Variants in CUX2 observed in about 807,000 individuals in gnomAD.
The protein encoded by CUX2 is cut like homeobox 2.
In CUX2, 40 loss-of-function variants were observed where a neutral mutation model predicts 144.8. The observed-to-expected ratio is 0.28, with a 90% confidence interval of 0.21 to 0.36. The LOEUF is 0.36. CUX2 is among the 10% of genes least tolerant of loss of function. CUX2 has a pLI of 1.00. For missense variants in CUX2, 1,615 were observed against 1,994.0 expected, an observed-to-expected ratio of 0.81 and a Z score of 3.62; for synonymous variants, 827 against 875.6, an observed-to-expected ratio of 0.94 and a Z score of 0.98.
intron 1 of CUX2, among the ~76,000 whole-genome samples, chr12:111,165,062 C>T (rs928237606): frequency 6.6e-6 from 1 of 152,204 alleles, no homozygotes; most frequent in African/African-American, 2.4e-5. Flanking sequence ...GAAGCCACCA[C>T]TCCACTGTTC....
chr12:111,321,989 A>G (rs896351744), intron 17 of CUX2, among the ~76,000 whole-genome samples: 3 of 151,900 alleles, frequency 2.0e-5, no homozygotes, highest in Admixed American at 1.3e-4. Flanking sequence ...ATGAGGAACA[A>G]ATGAAGGCCG....
intron 1 of CUX2, among the ~76,000 whole-genome samples, chr12:111,162,219 C>T (rs1877819119): frequency 6.6e-6 from 1 of 152,212 alleles, no homozygotes; most frequent in African/African-American, 2.4e-5. Flanking sequence ...TGCCCCTGGC[C>T]ACCAGCCCCT....
chr12:111,191,313 ATTTATT>A (rs1237332334), intron 1 of CUX2, among the ~76,000 whole-genome samples: 1 of 95,218 alleles, frequency 1.1e-5, no homozygotes, highest in African/African-American at 4.7e-5. Context: ...TTTATTATTT[ATTTATT>A]TATTTATTTA....
At chr12:111,094,104 A>G (rs894508785) in intron 1 of CUX2, among the ~76,000 whole-genome samples, 4 of 152,366 alleles carry the variant, frequency 2.6e-5, no homozygotes, top group African/African-American at 7.2e-5. Flanking sequence ...ACAGTGTATT[A>G]TTAACCATAA....
intron 15 of CUX2, among the ~76,000 whole-genome samples, chr12:111,311,028 C>T (rs1886872070): frequency 6.6e-6 from 1 of 152,200 alleles, no homozygotes. Flanking sequence ...CCAACCTTAC[C>T]AGACTTGATT....
chr12:111,266,711 T>C (rs922678591), intron 4 of CUX2, among the ~76,000 whole-genome samples: 1 of 152,146 alleles, frequency 6.6e-6, no homozygotes, highest in African/African-American at 2.4e-5. Context: ...ACAATAAGTG[T>C]CTGTTGTTTT....
chr12:111,040,379 T>C (rs1356970778), intron 1 of CUX2, among the ~76,000 whole-genome samples: 3 of 151,832 alleles, frequency 2.0e-5, no homozygotes, highest in Non-Finnish European at 4.4e-5. Flanking sequence ...TCTGCCCCAT[T>C]CTCTCAATCT....
At chr12:111,142,607 T>C (rs186061071) in intron 1 of CUX2, among the ~76,000 whole-genome samples, 3 of 152,232 alleles carry the variant, frequency 2.0e-5, no homozygotes, top group Non-Finnish European at 4.4e-5. Context: ...CCTTTGATTT[T>C]ATTCTTGTTT....
chr12:111,337,477 G>A (rs561007477), intron 19 of CUX2, among the ~76,000 whole-genome samples: 8 of 152,106 alleles, frequency 5.3e-5, no homozygotes, highest in Non-Finnish European at 1.2e-4. Context: ...CCATGGATGC[G>A]CCACAGTTTT....
chr12:111,098,138 C>T (rs916114156), intron 1 of CUX2, among the ~76,000 whole-genome samples: 6 of 152,090 alleles, frequency 3.9e-5, no homozygotes, highest in Admixed American at 2.6e-4. Context: ...TGTGGCTTTA[C>T]GCCTGTAATA....
At position 111,320,721 on chromosome 12, in the gene CUX2, G is replaced by T; in HGVS notation, c.2712G>T (p.Gln904His). 6.3e-7 allele frequency: 1 copy of T among 1,588,616 alleles called. No individual in the cohort carries two copies. The highest frequency in any genetic ancestry group is 2.3e-5 in the East Asian group (1 of 43,844). ...REVDTLELTR[Q>H]VKEKLAKNGI... ...TAGACACGCTGGAGCTCACCCGCCA[G>T]GTCAAGGAGAAGCTGGCCAAGAACG... Residue 904 changes from glutamine to histidine, a missense_variant, in exon 17 of 22, where the codon CAG (glutamine) becomes CAT (histidine). Coordinates refer to ENST00000261726, the MANE Select transcript of CUX2 (RefSeq NM_015267.4). This position sits in a 1 kb window ranked among gnomAD's most constrained non-coding sequence, Gnocchi z 8.1.
chr12:111,152,241 T>A (rs2136137897), intron 1 of CUX2, among the ~76,000 whole-genome samples: 1 of 152,132 alleles, frequency 6.6e-6, no homozygotes, highest in South Asian at 2.1e-4. Context: ...GCCAAGATCA[T>A]GCCTCTGCAC....
At chr12:111,090,726 C>T (rs181498504) in intron 1 of CUX2, among the ~76,000 whole-genome samples, 1 of 152,216 alleles carries the variant, frequency 6.6e-6, no homozygotes, top group East Asian at 1.9e-4. Context: ...CACCAAGAGG[C>T]CCCTCATGTT....
chr12:111,145,666 C>CTATT (rs1411990185), intron 1 of CUX2, among the ~76,000 whole-genome samples: 1 of 151,988 alleles, frequency 6.6e-6, no homozygotes, highest in African/African-American at 2.4e-5. Context: ...CCATGCTCGG[C>CTATT]TATTTATTTA....
Position 111,348,590 on chromosome 12 carries a change from C to T in CUX2, c.*265C>T. The T allele has an allele frequency of 5.0e-6, 2 of 401,012 alleles. No homozygotes were observed. Among genetic ancestry groups the T allele is most frequent in the Non-Finnish European group, 8.9e-6 (2 of 225,600 alleles). 24.8% of individuals were successfully genotyped at this position (401,012 alleles called of 1,614,324 possible). ...TGCAGGAGGCAGAAGCAAAATGGCACCACATATTCACCTGAAAACTCCAAA... is the reference window on the plus strand; with the variant it reads ...TGCAGGAGGCAGAAGCAAAATGGCATCACATATTCACCTGAAAACTCCAAA... On this transcript the variant is annotated 3_prime_UTR_variant, in exon 22 of 22. Transcript: ENST00000261726.
In CUX2 at chr12:111,320,340, C is replaced by T. The variant is rs756124463; in HGVS notation, c.2331C>T (p.Ser777=). Residue 777 remains serine, a synonymous_variant, in exon 17 of 22, where the codon TCC becomes TCT. Transcript: ENST00000261726. This position sits in a 1 kb window ranked among gnomAD's most constrained non-coding sequence, Gnocchi z 8.1. ...AGAGCATCATCCGCAAGGTCAAGTCCGAGATCGGCGACGCCGGCTACTTCG... is the reference window on the plus strand; with the variant it reads ...AGAGCATCATCCGCAAGGTCAAGTCTGAGATCGGCGACGCCGGCTACTTCG... ...FVQSIIRKVK[S]EIGDAGYFDH... 1.0e-5 allele frequency: 16 copies of T among 1,598,058 alleles called. No homozygotes were observed. The highest frequency in any genetic ancestry group is 1.6e-4 in the Middle Eastern group (1 of 6,076).
chr12:111,216,592 C>A (rs942559547), intron 2 of CUX2, among the ~76,000 whole-genome samples: 1 of 152,234 alleles, frequency 6.6e-6, no homozygotes, highest in African/African-American at 2.4e-5. Context: ...GCCACCCCAT[C>A]GGTGGGGGTT....
At chr12:111,046,213 C>T (rs1296137037) in intron 1 of CUX2, among the ~76,000 whole-genome samples, 1 of 152,254 alleles carries the variant, frequency 6.6e-6, no homozygotes. Context: ...TCAGGCCTCC[C>T]TGCATGCCGC....
intron 1 of CUX2, among the ~76,000 whole-genome samples, chr12:111,172,611 A>C (rs1027726346): frequency 1.3e-5 from 2 of 152,258 alleles, no homozygotes; most frequent in African/African-American, 4.8e-5. Context: ...CACTCTGTGC[A>C]GTTCCTGCAG....
Sources: allele counts gnomAD v4.1 joint callset (sites outside exome capture counted in the v4.1 genomes callset), GRCh38; gene constraint gnomAD v4.1.1; non-coding constraint Gnocchi (gnomAD v3.1); transcripts MANE v1.5; gene names NCBI Gene and HGNC (gene_info 2026-07-23, HGNC 2026-07-21).